Variants in ALCAM observed in about 807,000 individuals in gnomAD.
The protein encoded by ALCAM is CD166 antigen.
In ALCAM, 30 loss-of-function variants were observed where a neutral mutation model predicts 70.9. The observed-to-expected ratio is 0.42, with a 90% CI of 0.32 to 0.57. The LOEUF is 0.57. ALCAM is among the 20% of genes least tolerant of loss of function. ALCAM has a pLI of 0.11. For synonymous variants in ALCAM, 249 were observed against 242.5 expected (o/e 1.03, Z -0.25); for missense variants, 591 against 695.1 (o/e 0.85, Z 1.68).
chr3:105,411,559 T>C (rs918968852), intron 1 of ALCAM, among the ~76,000 whole-genome samples: 1 of 152,092 alleles, frequency 6.6e-6, no homozygotes, highest in South Asian at 2.1e-4. Context: ...TCTTTACACG[T>C]TTCCATTCAT....
intron 1 of ALCAM, among the ~76,000 whole-genome samples, chr3:105,515,160 C>G (rs1186422276): frequency 1.3e-5 from 2 of 151,832 alleles, no homozygotes; most frequent in Non-Finnish European, 2.9e-5. Flanking sequence ...ATGGGAGAAG[C>G]TGAGAGATAA....
At chr3:105,398,507 TA>T (rs112072314) in intron 1 of ALCAM, among the ~76,000 whole-genome samples, 5 of 152,140 alleles carry the variant, frequency 3.3e-5, no homozygotes, top group African/African-American at 1.2e-4. Context: ...TATTTTAACA[TA>T]AAGCTTTTCT....
At chr3:105,418,954 T>G (rs1311879330) in intron 1 of ALCAM, among the ~76,000 whole-genome samples, 1 of 151,802 alleles carries the variant, frequency 6.6e-6, no homozygotes, top group African/African-American at 2.4e-5. Context: ...TAAACCTTCC[T>G]TATCAAATCC....
intron 1 of ALCAM, among the ~76,000 whole-genome samples, chr3:105,456,077 G>GAAACA (rs149084015): frequency 7.0e-4 from 106 of 151,968 alleles, no homozygotes; most frequent in East Asian, 3.1e-3. Flanking sequence ...AACTCCATCT[G>GAAACA]AAACAAAACA....
At chr3:105,413,838 C>G (rs1183784912) in intron 1 of ALCAM, among the ~76,000 whole-genome samples, 1 of 152,074 alleles carries the variant, frequency 6.6e-6, no homozygotes, top group Non-Finnish European at 1.5e-5. Context: ...ATGTTTTTGA[C>G]TAAAGTTTTG....
intron 1 of ALCAM, among the ~76,000 whole-genome samples, chr3:105,508,785 T>A (rs4894930): frequency 0.024 from 3,604 of 151,158 alleles, 170 homozygotes; most frequent in Admixed American, 0.12. Context: ...CAGTACACTA[T>A]TATTAACCAC....
At chr3:105,524,789 A>G (rs1370797381) in intron 3 of ALCAM, 1 of 1,151,752 alleles carries the variant, frequency 8.7e-7, no homozygotes, top group South Asian at 3.1e-5. Context: ...ACTGATAACT[A>G]GCAGGTGATC....
intron 14 of ALCAM, among the ~76,000 whole-genome samples, chr3:105,558,670 C>T (rs1940568002): frequency 6.6e-6 from 1 of 152,084 alleles, no homozygotes. Flanking sequence ...AACTTTAGCC[C>T]TTTAAACGCA....
chr3:105,389,058 A>C (rs1269725941), intron 1 of ALCAM, among the ~76,000 whole-genome samples: 1 of 151,630 alleles, frequency 6.6e-6, no homozygotes, highest in East Asian at 1.9e-4. Context: ...ATTTTTGGAA[A>C]ATGATGAGCA....
At position 105,367,221 on chromosome 3, in the gene ALCAM, G is replaced by A; in HGVS notation, c.-188G>A. ...GGAGGGAGGAGGAGTTGGGGGCATTGCGTGGTGGAAAGTTGCGTGCGGCAG... is the reference window on the plus strand; with the variant it reads ...GGAGGGAGGAGGAGTTGGGGGCATTACGTGGTGGAAAGTTGCGTGCGGCAG... On this transcript the variant is annotated 5_prime_UTR_variant, in exon 1 of 16. Transcript: ENST00000306107. 5.0e-6 allele frequency: 3 copies of A among 595,214 alleles called. No individual in the cohort carries two copies. Among genetic ancestry groups the A allele is most frequent in the East Asian group, 5.8e-5 (2 of 34,314 alleles). 36.9% of individuals were successfully genotyped at this position (595,214 alleles called of 1,614,324 possible). A position where few individuals can be genotyped will look rare whatever the true frequency, so the allele number is the denominator to read the frequency against.
chr3:105,467,080 C>A (rs547185434), intron 1 of ALCAM, among the ~76,000 whole-genome samples: 16 of 151,450 alleles, frequency 1.1e-4, no homozygotes, highest in African/African-American at 3.9e-4. Context: ...GTAATTTAAT[C>A]TCTTTAAATT....
chr3:105,385,906 T>G (rs1014402798), intron 1 of ALCAM, among the ~76,000 whole-genome samples: 1 of 151,606 alleles, frequency 6.6e-6, no homozygotes, highest in African/African-American at 2.4e-5. Flanking sequence ...TTGAATATAT[T>G]CAGATCTGTG....
chr3:105,377,882 T>A (rs1301680615), intron 1 of ALCAM, among the ~76,000 whole-genome samples: 12 of 152,060 alleles, frequency 7.9e-5, no homozygotes, highest in Admixed American at 7.9e-4. Flanking sequence ...AATATTTGTA[T>A]TAGTTCGTTG....
intron 14 of ALCAM, among the ~76,000 whole-genome samples, chr3:105,571,238 C>G (rs571305886): frequency 1.1e-3 from 165 of 152,250 alleles, no homozygotes; most frequent in Non-Finnish European, 4.7e-4. Context: ...CGAGAATTTG[C>G]ATTTCTTGCA....
chr3:105,522,714 A>G (rs1490980700), intron 2 of ALCAM, among the ~76,000 whole-genome samples: 2 of 152,222 alleles, frequency 1.3e-5, no homozygotes, highest in Non-Finnish European at 2.9e-5. Context: ...TGCTCTGCTA[A>G]GATTTCCCAG....
At chr3:105,547,658 T>C in intron 11 of ALCAM, 135 bp downstream of exon 11, 1 of 1,052,646 alleles carries the variant, frequency 9.5e-7, no homozygotes, top group Non-Finnish European at 1.4e-6. Flanking sequence ...CACATAGAAT[T>C]TGCAGTACAT....
chr3:105,394,169 A>G (rs1414002927), intron 1 of ALCAM, among the ~76,000 whole-genome samples: 1 of 151,976 alleles, frequency 6.6e-6, no homozygotes, highest in Admixed American at 6.6e-5. Flanking sequence ...TTAAAATTTT[A>G]TTCTTAGACA....
intron 1 of ALCAM, among the ~76,000 whole-genome samples, chr3:105,376,159 C>T (rs1477308921): frequency 1.3e-5 from 2 of 151,998 alleles, no homozygotes; most frequent in Non-Finnish European, 2.9e-5. Context: ...GGATTAGAGG[C>T]ATGGAATTTA....
chr3:105,553,880 G>A (rs1402312744), intron 14 of ALCAM, among the ~76,000 whole-genome samples: 2 of 151,904 alleles, frequency 1.3e-5, no homozygotes, highest in East Asian at 1.9e-4. Flanking sequence ...TGTTGAAGGA[G>A]TAGACCATAC....
Sources: allele counts gnomAD v4.1 joint callset (sites outside exome capture counted in the v4.1 genomes callset), GRCh38; gene constraint gnomAD v4.1.1; transcripts MANE v1.5; gene names NCBI Gene and HGNC (gene_info 2026-07-23, HGNC 2026-07-21).